The following THSD4 variants were observed in gnomAD, a reference collection of about 807,000 sequenced individuals.
The protein encoded by THSD4 is thrombospondin type 1 domain containing 4.
Under a neutral mutation model 119.0 loss-of-function variants are expected in THSD4, and 69 were observed. The observed-to-expected ratio is 0.58, with a 90% confidence interval of 0.48 to 0.71. THSD4 has a LOEUF of 0.71. THSD4 is among the 30% of genes least tolerant of loss of function. The pLI is 0.00. For missense variants in THSD4, 1,393 were observed against 1,391.1 expected (o/e 1.00, Z -0.02); for synonymous variants, 524 against 540.4 (o/e 0.97, Z 0.42).
At chr15:71,602,576 A>AG (rs1233005296) in intron 7 of THSD4, among the ~76,000 whole-genome samples, 2 of 146,456 alleles carry the variant, frequency 1.4e-5, no homozygotes, top group Non-Finnish European at 3.0e-5. Flanking sequence ...AAAAAAAAAA[A>AG]AAAATGAAAA....
chr15:71,701,622 A>G lies in THSD4; in HGVS notation c.1358-26927A>G, dbSNP rs183341610. On this transcript the variant is annotated intron_variant, in intron 8 of 17. Transcript: ENST00000261862. ...CTTTAGCCATTAAAAATAATGGACT[A>G]GCTCTATATTTAATAACACAAAATG... is the stretch of plus-strand genomic sequence containing the variant. Among the ~76,000 whole-genome samples, 1,294 of 152,328 alleles carry G rather than the reference A, an allele frequency of 8.5e-3. 13 individuals are homozygous for G. The highest frequency in any genetic ancestry group is 0.017 in the South Asian group (82 of 4,830).
intron 6 of THSD4, among the ~76,000 whole-genome samples, chr15:71,282,276 G>A (rs937059548): frequency 2.6e-5 from 4 of 152,050 alleles, no homozygotes; most frequent in African/African-American, 9.7e-5. Context: ...CTTAAACCGT[G>A]GCGTCCAGCA....
At chr15:71,728,372 C>T (rs576935601) in intron 8 of THSD4, among the ~76,000 whole-genome samples, 177 bp from the exon 9 acceptor site, 5 of 152,222 alleles carry the variant, frequency 3.3e-5, no homozygotes, top group Admixed American at 2.6e-4. Flanking sequence ...GTGATTAAGC[C>T]CAAGGGGATG....
At chr15:71,743,248 C>T (rs1435894075) in intron 11 of THSD4, among the ~76,000 whole-genome samples, 1 of 152,126 alleles carries the variant, frequency 6.6e-6, no homozygotes, top group Non-Finnish European at 1.5e-5. Flanking sequence ...ACAGAGCATT[C>T]CTATGGGAGC....
Position 71,719,831 on chromosome 15 carries a change from A to G in THSD4, c.1358-8718A>G, listed in dbSNP as rs185399949. Among the ~76,000 whole-genome samples the G allele has an allele frequency of 1.9e-3, 288 of 152,068 alleles. 1 individual carries two copies. Among genetic ancestry groups the G allele is most frequent in the Admixed American group, 0.018 (272 of 15,272 alleles). On this transcript the variant is annotated intron_variant, in intron 8 of 17. Coordinates refer to ENST00000261862, the MANE Select transcript of THSD4 (RefSeq NM_024817.3). ...GCTGGGACTACAGGTGTGTACCACC[A>G]CACTTGGCTATTTTGTTAATTCTTT... is the stretch of plus-strand genomic sequence containing the variant.
chr15:71,283,590 T>G (rs925936363), intron 6 of THSD4, among the ~76,000 whole-genome samples: 1 of 152,200 alleles, frequency 6.6e-6, no homozygotes, highest in Admixed American at 6.5e-5. Context: ...TGTGCTGGGC[T>G]GCTTTACAAG....
chr15:71,626,254 A>G (rs1021572380), intron 7 of THSD4, among the ~76,000 whole-genome samples: 1 of 152,206 alleles, frequency 6.6e-6, no homozygotes, highest in East Asian at 1.9e-4. Flanking sequence ...TCTAAGTAAG[A>G]AAAACAACAT....
intron 6 of THSD4, among the ~76,000 whole-genome samples, chr15:71,282,850 C>A (rs2140315714): frequency 6.6e-6 from 1 of 152,210 alleles, no homozygotes; most frequent in East Asian, 1.9e-4. Context: ...AACAGAGTAC[C>A]CTATTTTAAT....
At chr15:71,685,082 T>G in intron 8 of THSD4, among the ~76,000 whole-genome samples, 1 of 152,138 alleles carries the variant, frequency 6.6e-6, no homozygotes, top group East Asian at 1.9e-4. Flanking sequence ...ATTGCTTTTT[T>G]ATTAAATTTG....
chr15:71,355,757 C>T (rs762215648), intron 6 of THSD4, among the ~76,000 whole-genome samples: 4 of 152,076 alleles, frequency 2.6e-5, no homozygotes, highest in Non-Finnish European at 5.9e-5. Flanking sequence ...GGCTTGACTG[C>T]GTTTGAATCA....
intron 7 of THSD4, among the ~76,000 whole-genome samples, chr15:71,610,477 T>C (rs1187267649): frequency 1.3e-5 from 2 of 152,142 alleles, no homozygotes; most frequent in African/African-American, 4.8e-5. Flanking sequence ...AGAACTCCTG[T>C]GGCAACAGGA....
At chr15:71,232,897 G>A (rs1260246955) in intron 4 of THSD4, among the ~76,000 whole-genome samples, 1 of 152,228 alleles carries the variant, frequency 6.6e-6, no homozygotes, top group Non-Finnish European at 1.5e-5. Flanking sequence ...GAAGTCAGAA[G>A]TGTGTGAGAT....
intron 3 of THSD4, 27 bp downstream of exon 3, chr15:71,154,959 C>T: frequency 6.2e-7 from 1 of 1,611,844 alleles, no homozygotes; most frequent in Non-Finnish European, 8.5e-7. Context: ...CAGAGGTTTT[C>T]TTCTCTGCCC....
intron 8 of THSD4, among the ~76,000 whole-genome samples, chr15:71,704,204 A>C (rs145179822): frequency 6.6e-6 from 1 of 152,348 alleles, no homozygotes; most frequent in East Asian, 1.9e-4. Context: ...CCAAGAAACC[A>C]GTTTTCTTAG....
chr15:71,563,332 G>A (rs2049162323), intron 7 of THSD4, among the ~76,000 whole-genome samples: 1 of 152,106 alleles, frequency 6.6e-6, no homozygotes, highest in African/African-American at 2.4e-5. Flanking sequence ...TAAAGACTCT[G>A]TTAGTACCCT....
intron 7 of THSD4, among the ~76,000 whole-genome samples, chr15:71,532,891 C>T (rs1373437300): frequency 6.6e-6 from 1 of 152,166 alleles, no homozygotes; most frequent in African/African-American, 2.4e-5. Context: ...CTGTCATTTT[C>T]CCACTGGTAA....
chr15:71,763,778 G>A (rs1003427726), intron 15 of THSD4, among the ~76,000 whole-genome samples: 2 of 151,358 alleles, frequency 1.3e-5, no homozygotes, highest in African/African-American at 4.9e-5. Context: ...TAATTAGTCG[G>A]GCAAGGCCTG....
chr15:71,683,867 C>T (rs922385687), intron 8 of THSD4, among the ~76,000 whole-genome samples: 3 of 152,112 alleles, frequency 2.0e-5, no homozygotes, highest in Admixed American at 1.3e-4. Context: ...CCCAGCTACT[C>T]AGGAGGTTGA....
chr15:71,152,401 G>A (rs964938588), intron 2 of THSD4, among the ~76,000 whole-genome samples: 1 of 150,200 alleles, frequency 6.7e-6, no homozygotes, highest in Non-Finnish European at 1.5e-5. Context: ...CAGCCTGGGA[G>A]ACAGAACGAG....
Sources: gnomAD v4.1 joint callset for allele counts (sites outside exome capture counted in the v4.1 genomes callset) on GRCh38, gnomAD v4.1.1 for gene constraint, MANE v1.5 for transcripts, NCBI Gene and HGNC (gene_info 2026-07-23, HGNC 2026-07-21) for gene names.